The following EPS15L1 variants were observed in gnomAD, a reference collection of about 807,000 sequenced individuals.
EPS15L1 encodes the protein epidermal growth factor receptor pathway substrate 15 like 1.
A neutral mutation model predicts 117.1 loss-of-function variants in EPS15L1; 43 were observed. That is an observed-to-expected ratio of 0.37 (90% CI 0.29 to 0.47). The LOEUF (loss-of-function observed/expected upper bound fraction) is 0.47. Among genes scored for constraint, EPS15L1 ranks in the 20% least tolerant of loss-of-function variants. The pLI, the probability that EPS15L1 is intolerant of heterozygous loss-of-function variation, is 0.99. For synonymous variants in EPS15L1, 459 were observed against 470.5 expected (o/e 0.98, Z 0.32); for missense variants, 981 against 1,164.0 (o/e 0.84, Z 2.29).
intron 22 of EPS15L1, among the ~76,000 whole-genome samples, chr19:16,368,253 GACACAC>G (rs141632584): frequency 6.6e-6 from 1 of 151,664 alleles, no homozygotes; most frequent in Admixed American, 6.6e-5. Flanking sequence ...TACACAATGG[GACACAC>G]ACACACAAGC....
intron 1 of EPS15L1, among the ~76,000 whole-genome samples, chr19:16,457,476 TG>T (rs1291990971): frequency 6.6e-6 from 1 of 151,968 alleles, no homozygotes; most frequent in African/African-American, 2.4e-5. Flanking sequence ...ACCAAAGCAG[TG>T]CCAGAGACAG....
chr19:16,402,082 T>C (rs2092606866), intron 16 of EPS15L1: 2 of 1,277,088 alleles, frequency 1.6e-6, no homozygotes, highest in Non-Finnish European at 2.0e-6. Context: ...TCAAAACAGG[T>C]TCTGAAAGGA....
In EPS15L1 at chr19:16,404,184, G is replaced by A. The variant is rs540482298; in HGVS notation, c.1429-254C>T. Among the ~76,000 whole-genome samples, 16 of 152,178 alleles carry A rather than the reference G, an allele frequency of 1.1e-4. No homozygotes were observed. Among genetic ancestry groups the A allele is most frequent in the Non-Finnish European group, 1.9e-4 (13 of 68,038 alleles). Reference sequence around the variant, plus strand: ...TTGGAATAATGAGGGGCATGACCAAGCACGAACAATCTGTCCATCCCCCCA... The same window carrying A: ...TTGGAATAATGAGGGGCATGACCAAACACGAACAATCTGTCCATCCCCCCA... On this transcript the variant is annotated intron_variant, in intron 14 of 23. Transcript: ENST00000455140. The surrounding 1 kb of genome is among the most constrained non-coding windows in gnomAD (Gnocchi z 4.2).
chr19:16,441,803 G>T, intron 3 of EPS15L1, 89 bp downstream of exon 3: 3 of 1,011,024 alleles, frequency 3.0e-6, no homozygotes, highest in Non-Finnish European at 4.4e-6. Flanking sequence ...CGGGCCCCAT[G>T]GAAGGAGGCC....
intron 18 of EPS15L1, 151 bp downstream of exon 18, chr19:16,393,800 C>G (rs1321661065): frequency 3.9e-6 from 3 of 776,424 alleles, no homozygotes; most frequent in Middle Eastern, 3.6e-4. Context: ...GGAACGGGAC[C>G]GAGAATGGGT....
intron 22 of EPS15L1, among the ~76,000 whole-genome samples, chr19:16,366,150 C>T (rs1322436706): frequency 1.3e-5 from 2 of 152,106 alleles, no homozygotes; most frequent in East Asian, 1.9e-4. Context: ...TCCCAGGACA[C>T]GGTGTAGCCC....
chr19:16,363,368 C>T (rs2092086219), intron 22 of EPS15L1, among the ~76,000 whole-genome samples: 1 of 152,288 alleles, frequency 6.6e-6, no homozygotes, highest in East Asian at 1.9e-4. Context: ...CAGAGAGCAC[C>T]CTGGCTCCCA....
chr19:16,403,870 C>T lies in EPS15L1; in HGVS notation c.1489G>A (p.Asp497Asn). The change falls in exon 15 of 24, where the codon GAT (aspartate) becomes AAT (asparagine). Residue 497 changes from aspartate to asparagine, a missense_variant. Transcript: ENST00000455140. ...AGCTCCGACTTGGCTCGGTTCAGATCGTCTTCCTGGGACTTTAAGTCAGAT... is the reference window on the plus strand; with the variant it reads ...AGCTCCGACTTGGCTCGGTTCAGATTGTCTTCCTGGGACTTTAAGTCAGAT... ...QESDLKSQED[D>N]LNRAKSELNR... 1 of 1,614,168 alleles carries T rather than the reference C, an allele frequency of 6.2e-7. No individual in the cohort carries two copies. The highest frequency in any genetic ancestry group is 8.5e-7 in the Non-Finnish European group (1 of 1,180,030).
In EPS15L1 at chr19:16,404,845, CT is replaced by C. The variant is rs1274024970; in HGVS notation, c.1267-97del. The C allele has an allele frequency of 1.5e-6, 2 of 1,361,998 alleles. No individual in the cohort carries two copies. Among genetic ancestry groups the C allele is most frequent in the African/African-American group, 2.9e-5 (2 of 69,878 alleles). 84.4% of individuals were successfully genotyped at this position (1,361,998 alleles called of 1,614,324 possible). On this transcript the variant is annotated intron_variant, in intron 13 of 23. Transcript: ENST00000455140. The surrounding 1 kb of genome is among the most constrained non-coding windows in gnomAD (Gnocchi z 4.2). ...CCTGGGCCAGAAGTCCAGGGGAAGC[CT>C]CCGAAACCACCCACTGTGACCGTGC...
In EPS15L1 at chr19:16,428,761, C is replaced by A. The variant is rs746176733; in HGVS notation, c.499G>T (p.Val167Phe). 1 of 1,609,190 alleles carries A rather than the reference C, an allele frequency of 6.2e-7. No individual in the cohort carries two copies. ...SKLPLDVLGR[V>F]WDLSDIDKDG... is the part of the protein sequence containing the mutation. ...TTGTCAATGTCACTGAGGTCCCAGA[C>A]CTGCAAGGGAGAGACCAGCATGGGT... The change falls in exon 8 of 24, where the codon GTC (valine) becomes TTC (phenylalanine). Residue 167 changes from valine to phenylalanine, a missense_variant and splice_region_variant. Val to Phe is a conservative substitution (Grantham distance 50, BLOSUM62 -1). Coordinates refer to ENST00000455140, the MANE Select transcript of EPS15L1 (RefSeq NM_001258374.3).
chr19:16,434,337 A>G, intron 7 of EPS15L1, 28 bp downstream of exon 7: 1 of 1,610,370 alleles, frequency 6.2e-7, no homozygotes, highest in Non-Finnish European at 8.5e-7. Flanking sequence ...CACTGAGTGC[A>G]GAAGAACCAA....
chr19:16,362,074 G>A lies in EPS15L1; in HGVS notation c.2381-90C>T, dbSNP rs565407830. ...GCAGAATGCTGGTGGGCACAAGCCC[G>A]GGGCGCTTCTCTGAGAAAAGCTTGT... On this transcript the variant is annotated intron_variant, in intron 22 of 23. Transcript: ENST00000455140. The A allele has an allele frequency of 4.5e-6, 6 of 1,325,108 alleles. No individual in the cohort carries two copies. The East Asian group carries it at 7.4e-5, about 16-fold the overall frequency. The allele number at this position is 1,325,108 out of a possible 1,614,324, so 82.1% of individuals were successfully genotyped here.
rs1380695319 is a variant in EPS15L1, at chr19:16,417,655, G to A, written c.1108-18C>T. The A allele has an allele frequency of 3.7e-6, 6 of 1,609,268 alleles. No individual in the cohort carries two copies. Among genetic ancestry groups the A allele is most frequent in the Non-Finnish European group, 5.1e-6 (6 of 1,175,718 alleles). ...GAACTGTCCTAGAATTGAATTCAGA[G>A]GCGAGATCTCTAATTAGCAACCTGA... On this transcript the variant is annotated intron_variant, in intron 11 of 23. Coordinates refer to ENST00000455140, the MANE Select transcript of EPS15L1 (RefSeq NM_001258374.3).
intron 23 of EPS15L1, among the ~76,000 whole-genome samples, chr19:16,360,708 A>G (rs2092039521): frequency 6.6e-6 from 1 of 152,222 alleles, no homozygotes; most frequent in Non-Finnish European, 1.5e-5. Context: ...TGATCGCGCC[A>G]ATGCAGACCA....
At chr19:16,445,792 G>A (rs557599608) in intron 1 of EPS15L1, among the ~76,000 whole-genome samples, 8 of 152,328 alleles carry the variant, frequency 5.3e-5, no homozygotes, top group African/African-American at 1.7e-4. Flanking sequence ...GAGAGGGGAC[G>A]CACCAGGGGA....
At position 16,407,938 on chromosome 19, in the gene EPS15L1, C is replaced by T. The variant is rs73511104; in HGVS notation, c.1267-3189G>A. On this transcript the variant is annotated intron_variant, in intron 13 of 23. Coordinates refer to ENST00000455140, the MANE Select transcript of EPS15L1 (RefSeq NM_001258374.3). ...TGGGACAGAGACTGTGTCTCCAAACCCCTGAACTGAGGCATTAAGTCTAAG... is the reference window on the plus strand; with the variant it reads ...TGGGACAGAGACTGTGTCTCCAAACTCCTGAACTGAGGCATTAAGTCTAAG... Among the ~76,000 whole-genome samples the T allele has an allele frequency of 2.3e-3, 344 of 152,258 alleles. 1 individual carries two copies. Among genetic ancestry groups the T allele is most frequent in the African/African-American group, 7.8e-3 (323 of 41,538 alleles).
chr19:16,425,702 G>C (rs529993828), intron 8 of EPS15L1, among the ~76,000 whole-genome samples: 1 of 152,308 alleles, frequency 6.6e-6, no homozygotes, highest in South Asian at 2.1e-4. Context: ...CTACTTGGGA[G>C]GCTGAGGTGG....
At chr19:16,413,715 T>A (rs1351044865) in intron 13 of EPS15L1, 58 bp downstream of exon 13, 5 of 1,475,690 alleles carry the variant, frequency 3.4e-6, no homozygotes, top group Non-Finnish European at 4.7e-6. Flanking sequence ...GGGAGGGAAG[T>A]TTTCCTGAAC....
At chr19:16,410,543 T>C (rs1345475577) in intron 13 of EPS15L1, among the ~76,000 whole-genome samples, 4 of 152,174 alleles carry the variant, frequency 2.6e-5, no homozygotes, top group Admixed American at 1.3e-4. Flanking sequence ...CACAAAAACT[T>C]GCAGACAAAT....
Sources: gnomAD v4.1 joint callset for allele counts (sites outside exome capture counted in the v4.1 genomes callset) on GRCh38, gnomAD v4.1.1 for gene constraint, Gnocchi (gnomAD v3.1) non-coding constraint, MANE v1.5 for transcripts, NCBI Gene and HGNC (gene_info 2026-07-23, HGNC 2026-07-21) for gene names.